Variants in TMC1 observed in about 807,000 individuals in gnomAD.
TMC1 encodes the protein transmembrane channel like 1.
TMC1 carries 84 observed loss-of-function variants against 105.8 expected under a neutral mutation model. The ratio of observed to expected loss-of-function variants is 0.79; its 90% CI spans 0.67 to 0.95. The LOEUF is 0.95. Among genes scored for constraint, TMC1 ranks in the 40% least tolerant of loss-of-function variants. TMC1 has a pLI of 0.00. For synonymous variants in TMC1, 315 were observed against 311.5 expected, an observed-to-expected ratio of 1.01 and a Z score of -0.12; for missense variants, 817 against 914.1, an observed-to-expected ratio of 0.89 and a Z score of 1.37.
chr9:72,616,717 G>A (rs1825136133), intron 3 of TMC1, among the ~76,000 whole-genome samples: 1 of 151,784 alleles, frequency 6.6e-6, no homozygotes, highest in Non-Finnish European at 1.5e-5. Context: ...ACAGGGCTGT[G>A]AATGGAGGAA....
chr9:72,606,973 G>A (rs202144936), intron 2 of TMC1, among the ~76,000 whole-genome samples: 53 of 133,490 alleles, frequency 4.0e-4, no homozygotes, highest in Middle Eastern at 4.0e-3. Context: ...GTATGTATGT[G>A]TGTGTGTGCA....
chr9:72,823,006 A>T (rs1310590152), intron 20 of TMC1, among the ~76,000 whole-genome samples: 1 of 152,162 alleles, frequency 6.6e-6, no homozygotes, highest in Non-Finnish European at 1.5e-5. Flanking sequence ...AATCAGGGAA[A>T]TTTATTTTTT....
At chr9:72,583,748 A>G (rs753742239) in intron 2 of TMC1, among the ~76,000 whole-genome samples, 2 of 152,196 alleles carry the variant, frequency 1.3e-5, no homozygotes, top group Non-Finnish European at 2.9e-5. Flanking sequence ...TGGCCCATAT[A>G]TCTGGACTCT....
intron 3 of TMC1, among the ~76,000 whole-genome samples, chr9:72,619,884 G>A (rs961901336): frequency 7.2e-5 from 11 of 151,916 alleles, no homozygotes; most frequent in Non-Finnish European, 1.3e-4. Flanking sequence ...CACCAGGCTG[G>A]AGTGCAGTGG....
At chr9:72,548,392 T>C (rs1233924113) in intron 1 of TMC1, among the ~76,000 whole-genome samples, 1 of 151,960 alleles carries the variant, frequency 6.6e-6, no homozygotes, top group Non-Finnish European at 1.5e-5. Flanking sequence ...GCCAAGATGG[T>C]AAAATTCCAT....
chr9:72,607,002 T>TATAGAGAGAGAGAGAGAGAG lies in TMC1; in HGVS notation c.-305-9365_-305-9364insTAGAGAGAGAGAGAGAGAGA, dbSNP rs372785242. On this transcript the variant is annotated intron_variant, in intron 2 of 23. Coordinates refer to ENST00000297784, the MANE Select transcript of TMC1 (RefSeq NM_138691.3). ...GTGTGCATATATATATATATATATA[T>TATAGAGAGAGAGAGAGAGAG]AGAGAGAGAGAGAGAGAGAGAGAGA... Among the ~76,000 whole-genome samples the TATAGAGAGAGAGAGAGAGAG allele has an allele frequency of 9.0e-3, 1,220 of 134,844 alleles. 9 individuals are homozygous for TATAGAGAGAGAGAGAGAGAG. Among genetic ancestry groups the TATAGAGAGAGAGAGAGAGAG allele is most frequent in the Middle Eastern group, 0.019 (5 of 258 alleles). 88.5% of individuals were successfully genotyped at this position (134,844 alleles called of 152,430 possible). A position where few individuals can be genotyped will look rare whatever the true frequency, so the allele number is the denominator to read the frequency against.
chr9:72,537,002 C>T (rs2132061369), intron 1 of TMC1, among the ~76,000 whole-genome samples: 1 of 152,312 alleles, frequency 6.6e-6, no homozygotes, highest in Non-Finnish European at 1.5e-5. Context: ...TGCCAAGCCT[C>T]CAACATTCTT....
chr9:72,834,558 C>T (rs1001317240), intron 23 of TMC1, among the ~76,000 whole-genome samples: 2 of 152,120 alleles, frequency 1.3e-5, no homozygotes, highest in African/African-American at 2.4e-5. Flanking sequence ...CGAACTCCTG[C>T]CCAGAGAGTA....
At chr9:72,633,881 G>T (rs1458403674) in intron 4 of TMC1, among the ~76,000 whole-genome samples, 1 of 152,130 alleles carries the variant, frequency 6.6e-6, no homozygotes, top group Non-Finnish European at 1.5e-5. Context: ...TGGACTAAAA[G>T]CTCAGTCTCA....
intron 19 of TMC1, among the ~76,000 whole-genome samples, chr9:72,819,111 G>A (rs1480182609): frequency 6.6e-6 from 1 of 152,170 alleles, no homozygotes; most frequent in Non-Finnish European, 1.5e-5. Flanking sequence ...TCAATGTGGG[G>A]TGGAAGAAGA....
At chr9:72,587,787 ATT>A (rs1305772110) in intron 2 of TMC1, among the ~76,000 whole-genome samples, 7 of 142,056 alleles carry the variant, frequency 4.9e-5, no homozygotes, top group Non-Finnish European at 6.2e-5. Flanking sequence ...TTAATTTTTA[ATT>A]TTTTTTTTTT....
chr9:72,686,280 G>T (rs947830020), intron 5 of TMC1, among the ~76,000 whole-genome samples: 1 of 152,144 alleles, frequency 6.6e-6, no homozygotes, highest in African/African-American at 2.4e-5. Flanking sequence ...AGCAGCTGAG[G>T]CATGAAGAGA....
intron 13 of TMC1, among the ~76,000 whole-genome samples, chr9:72,785,917 G>C (rs984106657): frequency 6.6e-6 from 1 of 152,148 alleles, no homozygotes; most frequent in African/African-American, 2.4e-5. Flanking sequence ...TTTTTCTTGT[G>C]TGGTCTTATC....
At chr9:72,832,751 A>G (rs1428340064) in intron 23 of TMC1, among the ~76,000 whole-genome samples, 1 of 152,092 alleles carries the variant, frequency 6.6e-6, no homozygotes, top group Non-Finnish European at 1.5e-5. Context: ...GAATTAGATG[A>G]TTACAGTGAT....
chr9:72,638,816 CAA>C (rs1283151575), intron 4 of TMC1, among the ~76,000 whole-genome samples: 6 of 152,142 alleles, frequency 3.9e-5, no homozygotes, highest in African/African-American at 1.4e-4. Context: ...TGAGAACGGT[CAA>C]GAGTTTATTT....
intron 10 of TMC1, among the ~76,000 whole-genome samples, chr9:72,751,285 T>G (rs187579748): frequency 1.3e-3 from 198 of 152,358 alleles, no homozygotes; most frequent in African/African-American, 4.5e-3. Context: ...AGTGAATGAA[T>G]GAATTTCAGC....
At chr9:72,806,376 G>A (rs1165465225) in intron 18 of TMC1, among the ~76,000 whole-genome samples, 2 of 142,008 alleles carry the variant, frequency 1.4e-5, no homozygotes, top group South Asian at 2.2e-4. Flanking sequence ...CCTCCCGGAC[G>A]GGGCGGCTGG....
chr9:72,783,056 A>G (rs898981376), intron 13 of TMC1, among the ~76,000 whole-genome samples: 4 of 152,220 alleles, frequency 2.6e-5, no homozygotes, highest in Non-Finnish European at 5.9e-5. Flanking sequence ...AGACTATGCT[A>G]CAAGGCTACA....
At chr9:72,709,124 G>C (rs1048777562) in intron 8 of TMC1, among the ~76,000 whole-genome samples, 3 of 152,028 alleles carry the variant, frequency 2.0e-5, no homozygotes, top group African/African-American at 7.2e-5. Context: ...AGATGATCAT[G>C]TCATTTCTGT....
Sources: gnomAD v4.1 joint callset for allele counts (sites outside exome capture counted in the v4.1 genomes callset) on GRCh38, gnomAD v4.1.1 for gene constraint, MANE v1.5 for transcripts, NCBI Gene and HGNC (gene_info 2026-07-23, HGNC 2026-07-21) for gene names.